GFRA2: variants seen among roughly 807,000 people sequenced by gnomAD.
The protein encoded by GFRA2 is GDNF family receptor alpha 2, also known as GDNF family receptor alpha-2.
Under a neutral mutation model 48.3 loss-of-function variants are expected in GFRA2, and 17 were observed. That is an observed-to-expected ratio of 0.35 (90% CI 0.24 to 0.53). GFRA2 has a LOEUF of 0.53. Among genes scored for constraint, GFRA2 ranks in the 20% least tolerant of loss-of-function variants. The pLI, the probability that GFRA2 is intolerant of heterozygous loss-of-function variation, is 0.93. For missense variants in GFRA2, 660 were observed against 637.3 expected (o/e 1.04, Z -0.38); for synonymous variants, 305 against 257.2 (o/e 1.19, Z -1.78).
intron 4 of GFRA2, among the ~76,000 whole-genome samples, chr8:21,727,527 T>TC (rs563919533): frequency 1.1e-3 from 169 of 152,122 alleles, no homozygotes; most frequent in African/African-American, 4.0e-3. Flanking sequence ...GGACACCACC[T>TC]CCCCATCACG....
chr8:21,805,071 G>C (rs1807835340), exon 2 of GFRA2: 1 of 152,180 alleles, frequency 6.6e-6, no homozygotes, highest in Admixed American at 6.5e-5. Context: ...TTGTCTCCGG[G>C]TGATGAAATT....
At chr8:21,751,306 G>A (rs781407945) in intron 3 of GFRA2, among the ~76,000 whole-genome samples, 18 of 152,180 alleles carry the variant, frequency 1.2e-4, no homozygotes, top group Non-Finnish European at 2.5e-4. Context: ...CTGGCTCAGC[G>A]TCATACAACG....
intron 3 of GFRA2, among the ~76,000 whole-genome samples, chr8:21,754,777 G>A (rs1173228554): frequency 1.3e-5 from 2 of 152,094 alleles, no homozygotes; most frequent in East Asian, 1.9e-4. Context: ...CAAAAGTGCT[G>A]GGATTACAGG....
chr8:21,736,495 AT>A (rs1048775662), intron 4 of GFRA2, among the ~76,000 whole-genome samples: 2 of 148,946 alleles, frequency 1.3e-5, no homozygotes, highest in African/African-American at 4.9e-5. Flanking sequence ...GTCTTGTCCG[AT>A]TTTTTTTTTA....
chr8:21,790,929 C>T (rs1050017614), upstream of GFRA2, among the ~76,000 whole-genome samples: 5 of 152,138 alleles, frequency 3.3e-5, no homozygotes, highest in African/African-American at 4.8e-5. Flanking sequence ...CCTGGAGGCC[C>T]GAGGCTGGGA....
chr8:21,777,616 G>A (rs112662348), intron 2 of GFRA2, among the ~76,000 whole-genome samples: 9,532 of 152,290 alleles, frequency 0.063, 307 homozygotes, highest in Non-Finnish European at 0.073. Flanking sequence ...GAATTTCAGT[G>A]TCACCTTTGC....
intron 4 of GFRA2, among the ~76,000 whole-genome samples, chr8:21,741,920 CA>C (rs74424608): frequency 0.25 from 25,960 of 104,890 alleles, 2,149 homozygotes; most frequent in Middle Eastern, 0.37. Context: ...GACTCCATCT[CA>C]AAAAAAAAAA....
chr8:21,788,166 T>C lies in GFRA2; in HGVS notation c.-7A>G, dbSNP rs905223574. On this transcript the variant is annotated 5_prime_UTR_variant, in exon 1 of 9. Transcript: ENST00000524240. ...AGACGTTTGCCAAGATCATGTTAAA[T>C]AAATCCCACCGTTTTTTTGTCTTTC... is the stretch of plus-strand genomic sequence containing the variant. 1.1e-5 allele frequency: 17 copies of C among 1,592,606 alleles called. No individual in the cohort carries two copies. The highest frequency in any genetic ancestry group is 3.3e-4 in the Middle Eastern group (2 of 5,990).
At chr8:21,799,858 C>A (rs1255282765) in intron 2 of GFRA2, among the ~76,000 whole-genome samples, 1 of 152,182 alleles carries the variant, frequency 6.6e-6, no homozygotes, top group African/African-American at 2.4e-5. Flanking sequence ...GCAGACAAAC[C>A]AAGCAAGGCT....
intron 2 of GFRA2, among the ~76,000 whole-genome samples, chr8:21,781,713 C>T (rs1806997321): frequency 6.6e-6 from 1 of 152,108 alleles, no homozygotes; most frequent in East Asian, 1.9e-4. Context: ...CTCAACTGTT[C>T]CTACAACACC....
intron 5 of GFRA2, 110 bp downstream of exon 5, chr8:21,705,822 C>A: frequency 1.5e-6 from 1 of 682,064 alleles, no homozygotes; most frequent in Non-Finnish European, 2.5e-6. Flanking sequence ...CAGAGAAGGC[C>A]GGGCTCAGGC....
rs372039543 is a variant in GFRA2 at position 21,744,324 on chromosome 8, G to A, written c.794+6264C>T. On this transcript the variant is annotated intron_variant, in intron 4 of 8. Transcript: ENST00000524240. ...GTGTCCACTGCAGGAAAGGGCCCAG[G>A]TTGCCAGGGTAGCTCCAGGCTGGAA... 3.1e-4 allele frequency among the ~76,000 whole-genome samples: 47 copies of A among 152,286 alleles called. No individual in the cohort carries two copies. In the South Asian group the frequency reaches 9.1e-3, roughly 30 times the overall value.
chr8:21,796,535 T>C (rs940477283), intron 2 of GFRA2, among the ~76,000 whole-genome samples: 1 of 152,276 alleles, frequency 6.6e-6, no homozygotes, highest in Non-Finnish European at 1.5e-5. Context: ...CCCAAGGGGC[T>C]GTGGCCAGAA....
At chr8:21,700,014 C>T (rs927125301) in intron 7 of GFRA2, among the ~76,000 whole-genome samples, 1 of 152,172 alleles carries the variant, frequency 6.6e-6, no homozygotes, top group African/African-American at 2.4e-5. Flanking sequence ...CGGAAGGCAA[C>T]CTGGTGTGGA....
chr8:21,790,048 T>A, upstream of GFRA2: 1 of 984,362 alleles, frequency 1.0e-6, no homozygotes, highest in Non-Finnish European at 1.2e-6. Context: ...GATTGATCCA[T>A]CTGTCGGTGG....
In GFRA2 at chr8:21,788,258, G is replaced by T; in HGVS notation, c.-99C>A. 1 of 1,487,030 alleles carries T rather than the reference G, an allele frequency of 6.7e-7. No individual in the cohort carries two copies. The allele number at this position is 1,487,030 out of a possible 1,614,324, so 92.1% of individuals were successfully genotyped here. A position where few individuals can be genotyped will look rare whatever the true frequency, so the allele number is the denominator to read the frequency against. ...AATAATAGGCAAGCAGTGGTAATCA[G>T]CCCCAAATCCAATGCGGAGATCCCA... On this transcript the variant is annotated 5_prime_UTR_variant, in exon 1 of 9. In the 5' UTR this introduces an upstream ATG that the reference lacks. Coordinates refer to ENST00000524240, the MANE Select transcript of GFRA2 (RefSeq NM_001495.5).
At chr8:21,737,297 A>C (rs1804514799) in intron 4 of GFRA2, among the ~76,000 whole-genome samples, 1 of 151,914 alleles carries the variant, frequency 6.6e-6, no homozygotes, top group African/African-American at 2.4e-5. Flanking sequence ...TGAACCTGGG[A>C]GGTGGAGGTT....
chr8:21,754,799 G>T (rs1039369960), intron 3 of GFRA2, among the ~76,000 whole-genome samples: 1 of 152,124 alleles, frequency 6.6e-6, no homozygotes, highest in Non-Finnish European at 1.5e-5. Context: ...ATGAGTCACT[G>T]TGCCTGGCCA....
chr8:21,702,448 G>T (rs28554776), intron 7 of GFRA2, among the ~76,000 whole-genome samples: 8,024 of 152,234 alleles, frequency 0.053, 664 homozygotes, highest in African/African-American at 0.18. Context: ...GCACTGTGGA[G>T]GTGCACTGTT....
Sources: gnomAD v4.1 joint callset for allele counts (sites outside exome capture counted in the v4.1 genomes callset) on GRCh38, gnomAD v4.1.1 for gene constraint, MANE v1.5 for transcripts, NCBI Gene and HGNC (gene_info 2026-07-23, HGNC 2026-07-21) for gene names.